MUC6: variants seen among roughly 807,000 people sequenced by gnomAD.
The protein encoded by MUC6 is mucin-6.
MUC6 carries 188 observed loss-of-function variants against 201.5 expected under a neutral mutation model. The observed-to-expected ratio is 0.93, with a 90% CI of 0.83 to 1.05. The LOEUF is 1.05. Among genes scored for constraint, MUC6 ranks in the 50% least tolerant of loss-of-function variants. The pLI, the probability that MUC6 is intolerant of heterozygous loss-of-function variation, is 0.00. For synonymous variants in MUC6, 1,228 were observed against 1,389.4 expected (o/e 0.88, Z 2.58); for missense variants, 2,706 against 3,256.9 (o/e 0.83, Z 4.12).
At position 1,025,048 on chromosome 11, in the gene MUC6, C is replaced by G. The variant is rs767267907; in HGVS notation, c.3021G>C (p.Gly1007=). Residue 1007 remains glycine, a synonymous_variant, in exon 24 of 33, where the codon GGG becomes GGC. Coordinates refer to ENST00000421673, the MANE Select transcript of MUC6 (RefSeq NM_005961.3). ...PLCGLCGNFN[G]NMKDDFETRS... ...GCGTCTCGAAGTCGTCCTTCATGTT[C>G]CCGTTGAAGTTGCCACACAAGCCGC... 1 of 1,612,972 alleles carries G rather than the reference C, an allele frequency of 6.2e-7. No homozygotes were observed. Among genetic ancestry groups the G allele is most frequent in the Admixed American group, 1.7e-5 (1 of 59,996 alleles).
chr11:1,018,901 G>C (rs1856745855), intron 30 of MUC6, 131 bp from the exon 31 acceptor site: 4 of 1,207,626 alleles, frequency 3.3e-6, no homozygotes, highest in Non-Finnish European at 4.5e-6. Flanking sequence ...CATGGCCCCT[G>C]CTGGGCACTC....
At chr11:1,036,167 A>C (rs1857212505) in intron 1 of MUC6, among the ~76,000 whole-genome samples, 1 of 147,984 alleles carries the variant, frequency 6.8e-6, no homozygotes, top group Non-Finnish European at 1.5e-5. Context: ...TAGACTAGGA[A>C]ACGAGGCCCA....
intron 26 of MUC6, among the ~76,000 whole-genome samples, chr11:1,022,300 C>A (rs1256303317): frequency 2.0e-5 from 3 of 148,884 alleles, no homozygotes; most frequent in Non-Finnish European, 4.5e-5. Context: ...GCCCCGCGCC[C>A]CTCACTCACT....
At chr11:1,030,435 C>G in intron 7 of MUC6, 100 bp from the exon 8 acceptor site, 2 of 1,434,930 alleles carry the variant, frequency 1.4e-6, no homozygotes, top group Non-Finnish European at 1.9e-6. Context: ...CTTCCTCCAT[C>G]TAGAAGCAGC....
At chr11:1,031,573 G>T (rs1857106241) in intron 4 of MUC6, 34 bp downstream of exon 4, 2 of 1,540,098 alleles carry the variant, frequency 1.3e-6, no homozygotes, top group African/African-American at 1.4e-5. Context: ...CGTGCTGCGG[G>T]TCTCCAGGCC....
rs1220619752 is a variant in MUC6, at chr11:1,027,025, G to T, written c.2310C>A (p.Phe770Leu). 6.2e-7 allele frequency: 1 copy of T among 1,603,028 alleles called. No homozygotes were observed. Among genetic ancestry groups the T allele is most frequent in the Non-Finnish European group, 8.5e-7 (1 of 1,175,546 alleles). The change falls in exon 19 of 33, where the codon TTC becomes TTA. Residue 770 changes from phenylalanine (F) to leucine (L), a missense_variant. Physicochemically the swap from Phe to Leu is conservative, Grantham distance 22 (BLOSUM62 0). This residue lies in a region of MUC6 where 1,850 missense variants were observed against 1,958.3 expected (regional missense o/e 0.94). Coordinates refer to ENST00000421673, the MANE Select transcript of MUC6 (RefSeq NM_005961.3). Reference sequence around the variant, plus strand: ...TCTCGGAGGACTGGCTGCAGGACTTGAAGGTCTTAGGGGCCTGGCAGGAGG... The same window carrying T: ...TCTCGGAGGACTGGCTGCAGGACTTTAAGGTCTTAGGGGCCTGGCAGGAGG... ...FLASCQAPKT[F>L]KSCSQSSENK...
Position 1,031,867 on chromosome 11 carries a change from A to G in MUC6, c.302T>C (p.Leu101Pro). Residue 101 changes from leucine (L) to proline (P), a missense_variant, in exon 3 of 33, where the codon CTG becomes CCG. Physicochemically the swap from Leu to Pro is moderately conservative, Grantham distance 98. Coordinates refer to ENST00000421673, the MANE Select transcript of MUC6 (RefSeq NM_005961.3). ...GCTCACAGTGACGACGGAGGCCCCC[A>G]GCTCCACGATGATCCGCGAGATGCT... ...DGSISRIIVELGASVVTVSEA... is the reference protein window; with the variant it reads ...DGSISRIIVEPGASVVTVSEA... The G allele has an allele frequency of 6.2e-7, 1 of 1,612,774 alleles. No homozygotes were observed. The highest frequency in any genetic ancestry group is 8.5e-7 in the Non-Finnish European group (1 of 1,179,848).
chr11:1,027,677 G>A lies in MUC6; in HGVS notation c.1981+8C>T. 1 of 1,593,608 alleles carries A rather than the reference G, an allele frequency of 6.3e-7. No homozygotes were observed. The highest frequency in any genetic ancestry group is 8.5e-7 in the Non-Finnish European group (1 of 1,170,728). Reference sequence around the variant, plus strand: ...CGTGACCCCGCTTAAGCCCCGTCGGGCACTCACTGCAGTTGTCCACACTGC... The same window carrying A: ...CGTGACCCCGCTTAAGCCCCGTCGGACACTCACTGCAGTTGTCCACACTGC... On this transcript the variant is annotated splice_region_variant and intron_variant, in intron 16 of 32. Coordinates refer to ENST00000421673, the MANE Select transcript of MUC6 (RefSeq NM_005961.3).
At position 1,013,981 on chromosome 11, in the gene MUC6, G is replaced by C; in HGVS notation, c.7060C>G (p.Gln2354Glu). 2 of 1,608,622 alleles carry C rather than the reference G, an allele frequency of 1.2e-6. No homozygotes were observed. Among genetic ancestry groups the C allele is most frequent in the Middle Eastern group, 1.7e-4 (1 of 6,054 alleles). The change falls in exon 32 of 33, where the codon CAG becomes GAG. Residue 2354 changes from glutamine (Q) to glutamate (E), a missense_variant. Coordinates refer to ENST00000421673, the MANE Select transcript of MUC6 (RefSeq NM_005961.3). Reference sequence around the variant, plus strand: ...CCCTTGAACGTGATCTCCTCCTGCTGCTCCCGCACACTGCAGACCCCTGGT... The same window carrying C: ...CCCTTGAACGTGATCTCCTCCTGCTCCTCCCGCACACTGCAGACCCCTGGT... ...TSPGVCSVRE[Q>E]QEEITFKGCM...
Position 1,029,489 on chromosome 11 carries a change from A to T in MUC6, c.1136+6T>A. On this transcript the variant is annotated splice_donor_region_variant and intron_variant, in intron 9 of 32. Transcript: ENST00000421673. Reference sequence around the variant, plus strand: ...CGGCCAGAGCCCCCTCCGGCGCCTCACTCACCAGGTTTGGCAGGCAGCTAT... The same window carrying T: ...CGGCCAGAGCCCCCTCCGGCGCCTCTCTCACCAGGTTTGGCAGGCAGCTAT... 1 of 1,611,614 alleles carries T rather than the reference A, an allele frequency of 6.2e-7. No homozygotes were observed.
chr11:1,016,242 G>C lies in MUC6; in HGVS notation c.6559C>G (p.Pro2187Ala). The change falls in exon 31 of 33, where the codon CCC (proline) becomes GCC (alanine). Residue 2187 changes from proline to alanine, a missense_variant. Around this residue, in one of 10 missense-constraint regions of MUC6, gnomAD observed 586 missense variants for 488.0 expected, o/e 1.20. Transcript: ENST00000421673. Reference protein sequence around the residue: ...SGSHSSLSTHPTTASVSASPL... With the variant: ...SGSHSSLSTHATTASVSASPL... ...GATGCAGACACTGATGCAGTCGTGG[G>C]ATGAGTGGACAATGAGGAGTGTGAC... 6.2e-7 allele frequency: 1 copy of C among 1,613,324 alleles called. No homozygotes were observed. Among genetic ancestry groups the C allele is most frequent in the Non-Finnish European group, 8.5e-7 (1 of 1,179,738 alleles).
chr11:1,026,079 AGG>A lies in MUC6; in HGVS notation c.2607_2608del (p.Tyr871ArgfsTer222). On this transcript the variant is annotated frameshift_variant, in exon 21 of 33. Transcript: ENST00000421673. LOFTEE classifies it high-confidence loss of function. ...GGTGATGACGTGGCCCTCCCCGTAG[AGG>A]GTGCAGGTGGATGGGCAGTGGGTGC... 6.3e-7 allele frequency: 1 copy of A among 1,599,134 alleles called. No homozygotes were observed. The highest frequency in any genetic ancestry group is 1.3e-5 in the African/African-American group (1 of 74,862).
rs745311492 is a variant in MUC6 at position 1,024,032 on chromosome 11, C to G, written c.3297G>C (p.Glu1099Asp). 5 of 1,611,424 alleles carry G rather than the reference C, an allele frequency of 3.1e-6. No homozygotes were observed. The East Asian group carries it at 8.9e-5, about 29-fold the overall frequency. ...AGGCAGCCACGGCATCGCACAGACA[C>G]TCACAGTCCCCGCCACTGTCACACC... ...ACGCDSGGDC[E>D]CLCDAVAAYA... The change falls in exon 25 of 33, where the codon GAG becomes GAC. Residue 1099 changes from glutamate to aspartate, a missense_variant. By Grantham distance (45) the Glu-to-Asp change is conservative. This residue lies in a region of MUC6 where 1,850 missense variants were observed against 1,958.3 expected (regional missense o/e 0.94). Coordinates refer to ENST00000421673, the MANE Select transcript of MUC6 (RefSeq NM_005961.3).
At chr11:1,028,148 C>T in intron 14 of MUC6, 78 bp downstream of exon 14, 1 of 1,535,086 alleles carries the variant, frequency 6.5e-7, no homozygotes, top group Non-Finnish European at 8.8e-7. Flanking sequence ...GCAGCTGGGC[C>T]TGTGGTCCAG....
intron 7 of MUC6, 31 bp from the exon 8 acceptor site, chr11:1,030,366 T>TACCCCCCCCCCCCCCCCCCCCCCCC: frequency 6.7e-7 from 1 of 1,489,596 alleles, no homozygotes; most frequent in Admixed American, 2.0e-5. Flanking sequence ...GGTGAGAGGG[T>TACCCCCCCCCCCCCCCCCCCCCCCC]CCCACCCCCC....
At chr11:1,026,853 C>T (rs558381297) in intron 19 of MUC6, 88 bp downstream of exon 19, 151 of 1,298,328 alleles carry the variant, frequency 1.2e-4, no homozygotes, top group Middle Eastern at 1.0e-3. Context: ...GGGCAGAATG[C>T]GGCCAGGTCT....
intron 2 of MUC6, among the ~76,000 whole-genome samples, chr11:1,032,349 G>A (rs1195183047): frequency 6.6e-6 from 1 of 152,092 alleles, no homozygotes; most frequent in East Asian, 1.9e-4. Context: ...TGTCAGGTGT[G>A]TCCATGTGTG....
Position 1,025,200 on chromosome 11 carries a change from C to T in MUC6, c.2967G>A (p.Arg989=). 1 of 1,612,402 alleles carries T rather than the reference C, an allele frequency of 6.2e-7. No homozygotes were observed. Among genetic ancestry groups the T allele is most frequent in the Middle Eastern group, 1.7e-4 (1 of 6,060 alleles). Residue 989 remains arginine (R), a synonymous_variant, in exon 23 of 33, where the codon AGG becomes AGA. Coordinates refer to ENST00000421673, the MANE Select transcript of MUC6 (RefSeq NM_005961.3). ...IWNRHMTILI[R]IARASQDPLC... Reference sequence around the variant, plus strand: ...GCGGTACCTGGGAGGCACGGGCGATCCTGATGAGGATGGTCATGTGCCTGT... The same window carrying T: ...GCGGTACCTGGGAGGCACGGGCGATTCTGATGAGGATGGTCATGTGCCTGT...
chr11:1,019,484 G>A lies in MUC6; in HGVS notation c.3821C>T (p.Pro1274Leu), dbSNP rs762221567. The change falls in exon 30 of 33, where the codon CCA (proline) becomes CTA (leucine). Residue 1274 changes from proline (P) to leucine (L), a missense_variant. Physicochemically the swap from Pro to Leu is moderately conservative, Grantham distance 98. Transcript: ENST00000421673. ...PTASSGEPPR[P>L]TTAVTPQATS... ...GGCTTGTGGGGTGACGGCCGTGGTT[G>A]GTCTAGGTGGTTCTGCAGAGGACAG... 10 of 1,613,654 alleles carry A rather than the reference G, an allele frequency of 6.2e-6. No individual in the cohort carries two copies. In the Middle Eastern group the frequency reaches 6.9e-4, roughly 111 times the overall value.
Sources: allele counts gnomAD v4.1 joint callset (sites outside exome capture counted in the v4.1 genomes callset), GRCh38; gene constraint gnomAD v4.1.1; regional missense constraint gnomAD v4.1.1; transcripts MANE v1.5; gene names NCBI Gene and HGNC (gene_info 2026-07-23, HGNC 2026-07-21).